PRKG1: variants seen among roughly 807,000 people sequenced by gnomAD.
The protein encoded by PRKG1 is protein kinase cGMP-dependent 1, also known as cGMP-dependent protein kinase 1.
A neutral mutation model predicts 88.1 loss-of-function variants in PRKG1; 35 were observed. The observed-to-expected ratio is 0.40, with a 90% CI of 0.30 to 0.53. The LOEUF (loss-of-function observed/expected upper bound fraction) is 0.53. PRKG1 is among the 20% of genes least tolerant of loss of function. PRKG1 has a pLI of 0.59. For synonymous variants in PRKG1, 303 were observed against 292.5 expected, an observed-to-expected ratio of 1.04 and a Z score of -0.37; for missense variants, 540 against 839.8, an observed-to-expected ratio of 0.64 and a Z score of 4.41.
chr10:51,130,979 A>G (rs1043393398), intron 1 of PRKG1, among the ~76,000 whole-genome samples: 85 of 152,306 alleles, frequency 5.6e-4, no homozygotes, highest in African/African-American at 2.0e-3. Context: ...CTGACATTCT[A>G]CTCAAGGAAA....
intron 5 of PRKG1, among the ~76,000 whole-genome samples, chr10:51,942,371 G>T (rs200328202): frequency 7.0e-6 from 1 of 143,514 alleles, no homozygotes; most frequent in East Asian, 2.1e-4. Context: ...CAGATGAGTA[G>T]GTTGTGAAAA....
chr10:51,699,103 G>T (rs369131472), intron 3 of PRKG1: 2 of 1,614,110 alleles, frequency 1.2e-6, no homozygotes, highest in Non-Finnish European at 1.7e-6. Context: ...TTTGGACACA[G>T]AGCTTCATCT....
At chr10:52,200,129 C>A (rs766063279) in intron 9 of PRKG1, among the ~76,000 whole-genome samples, 1 of 151,904 alleles carries the variant, frequency 6.6e-6, no homozygotes, top group Non-Finnish European at 1.5e-5. Context: ...GGATTGTGGG[C>A]GTTTGATGTA....
intron 3 of PRKG1, among the ~76,000 whole-genome samples, chr10:51,801,849 G>C (rs1839182625): frequency 6.6e-6 from 1 of 152,120 alleles, no homozygotes; most frequent in South Asian, 2.1e-4. Context: ...TGGGATGTAT[G>C]TGATCTTAAC....
intron 1 of PRKG1, among the ~76,000 whole-genome samples, chr10:50,993,312 A>T (rs1842800973): frequency 6.6e-6 from 1 of 152,252 alleles, no homozygotes; most frequent in African/African-American, 2.4e-5. Flanking sequence ...CCTGAGTGAC[A>T]TAGTGACATT....
intron 3 of PRKG1, among the ~76,000 whole-genome samples, chr10:51,739,627 C>T (rs1409621150): frequency 1.3e-5 from 2 of 151,926 alleles, no homozygotes; most frequent in African/African-American, 4.8e-5. Flanking sequence ...GGAAAAGGAC[C>T]CCAAAGGATG....
chr10:51,460,981 C>T (rs1302487385), intron 2 of PRKG1, among the ~76,000 whole-genome samples: 1 of 151,936 alleles, frequency 6.6e-6, no homozygotes, highest in East Asian at 1.9e-4. Context: ...GTTGAGATAC[C>T]TTGATAAGTA....
chr10:51,835,490 C>A (rs190332264), intron 4 of PRKG1, among the ~76,000 whole-genome samples: 2 of 152,342 alleles, frequency 1.3e-5, no homozygotes, highest in African/African-American at 4.8e-5. Flanking sequence ...CCAATACTCT[C>A]TCTGGCACTT....
chr10:51,902,807 T>G (rs1457433376), intron 4 of PRKG1, among the ~76,000 whole-genome samples: 1 of 152,186 alleles, frequency 6.6e-6, no homozygotes, highest in Non-Finnish European at 1.5e-5. Flanking sequence ...TCATTCTATG[T>G]CAGGTGATCT....
chr10:51,040,012 T>C lies in PRKG1; in HGVS notation c.266+48368T>C, dbSNP rs143742399. 1.5e-3 allele frequency among the ~76,000 whole-genome samples: 234 copies of C among 152,322 alleles called. 2 individuals are homozygous for C. The highest frequency in any genetic ancestry group is 5.6e-3 in the African/African-American group (232 of 41,580). Reference sequence around the variant, plus strand: ...TATAATTTGAAGTCTGGTAATGTTATGCCTCCAATTTTGTTCTTCTTGCTT... The same window carrying C: ...TATAATTTGAAGTCTGGTAATGTTACGCCTCCAATTTTGTTCTTCTTGCTT... On this transcript the variant is annotated intron_variant, in intron 1 of 17. Transcript: ENST00000401604.
At chr10:51,722,110 A>G (rs1842027403) in intron 3 of PRKG1, among the ~76,000 whole-genome samples, 1 of 151,996 alleles carries the variant, frequency 6.6e-6, no homozygotes. Flanking sequence ...GGCACCTGTA[A>G]TCCCAGCTAC....
chr10:51,312,021 G>A (rs1841199405), intron 2 of PRKG1, among the ~76,000 whole-genome samples: 1 of 152,086 alleles, frequency 6.6e-6, no homozygotes, highest in South Asian at 2.1e-4. Context: ...ACAGGCATGT[G>A]CCACCACACC....
intron 2 of PRKG1, among the ~76,000 whole-genome samples, chr10:51,452,728 T>C (rs572288717): frequency 6.6e-6 from 1 of 152,144 alleles, no homozygotes; most frequent in Admixed American, 6.6e-5. Flanking sequence ...TCTGTGTTCA[T>C]CAGGGATATT....
chr10:51,790,565 A>G (rs1231541073), intron 3 of PRKG1, among the ~76,000 whole-genome samples: 3 of 152,142 alleles, frequency 2.0e-5, no homozygotes, highest in Non-Finnish European at 4.4e-5. Context: ...ACTCCAAATT[A>G]TTGACTTTTA....
intron 1 of PRKG1, among the ~76,000 whole-genome samples, chr10:51,113,839 A>G (rs1845037999): frequency 6.6e-6 from 1 of 151,710 alleles, no homozygotes; most frequent in Admixed American, 6.6e-5. Context: ...CTATTTCTGT[A>G]GTAGCAGTTG....
chr10:51,494,721 G>C (rs947187329), intron 3 of PRKG1, among the ~76,000 whole-genome samples: 2 of 152,166 alleles, frequency 1.3e-5, no homozygotes, highest in Admixed American at 6.5e-5. Context: ...CTAAAACCAG[G>C]ATAGTTTCAG....
intron 10 of PRKG1, among the ~76,000 whole-genome samples, chr10:52,268,992 G>A (rs1841647168): frequency 6.6e-6 from 1 of 151,722 alleles, no homozygotes; most frequent in South Asian, 2.1e-4. Context: ...GGGACTAAGT[G>A]GAGTCAGAAT....
At position 51,675,865 on chromosome 10, in the gene PRKG1, C is replaced by T. The variant is rs116704640; in HGVS notation, c.593-128720C>T. ...GTGGAAGCCAATAAACTACACTTGC[C>T]TTCTTCATCTTCTCTGAAATCCTCC... On this transcript the variant is annotated intron_variant, in intron 3 of 17. Transcript: ENST00000373980. Among the ~76,000 whole-genome samples the T allele has an allele frequency of 2.9e-3, 448 of 152,208 alleles. 3 individuals carry two copies. The highest frequency in any genetic ancestry group is 0.01 in the African/African-American group (429 of 41,534).
At chr10:51,613,234 T>C (rs1189812028) in intron 3 of PRKG1, among the ~76,000 whole-genome samples, 1 of 152,096 alleles carries the variant, frequency 6.6e-6, no homozygotes, top group Non-Finnish European at 1.5e-5. Context: ...TGTTTCTTCC[T>C]GATTCAATCT....
Sources: gnomAD v4.1 joint callset for allele counts (sites outside exome capture counted in the v4.1 genomes callset) on GRCh38, gnomAD v4.1.1 for gene constraint, MANE v1.5 for transcripts, NCBI Gene and HGNC (gene_info 2026-07-23, HGNC 2026-07-21) for gene names.